Variants in CDKL1 observed in about 807,000 individuals in gnomAD.
CDKL1 encodes cyclin dependent kinase like 1, also known as cyclin-dependent kinase-like 1.
CDKL1 carries 41 observed loss-of-function variants against 42.0 expected under a neutral mutation model. That is an observed-to-expected ratio of 0.98 (90% CI 0.76 to 1.27). The LOEUF is 1.27. Among genes scored for constraint, CDKL1 ranks in the 50% most tolerant of loss-of-function variants. CDKL1 has a pLI of 0.00. For synonymous variants in CDKL1, 153 were observed against 158.6 expected (o/e 0.96, Z 0.26); for missense variants, 394 against 428.4 (o/e 0.92, Z 0.71).
At chr14:50,349,955 G>C (rs1247311377) in intron 3 of CDKL1, among the ~76,000 whole-genome samples, 1 of 152,224 alleles carries the variant, frequency 6.6e-6, no homozygotes, top group Non-Finnish European at 1.5e-5. Context: ...TTTTAGTAGA[G>C]ATGGGGTTTC....
At chr14:50,388,658 TG>T (rs1346906236) in intron 2 of CDKL1, among the ~76,000 whole-genome samples, 4 of 152,238 alleles carry the variant, frequency 2.6e-5, no homozygotes, top group Admixed American at 2.0e-4. Context: ...GTTAGATGTT[TG>T]GCCCAAGAGC....
intron 2 of CDKL1, among the ~76,000 whole-genome samples, chr14:50,364,142 C>T (rs879295992): frequency 6.6e-6 from 1 of 152,160 alleles, no homozygotes; most frequent in Non-Finnish European, 1.5e-5. Flanking sequence ...TTATATTGCA[C>T]CCACCTTGCT....
intron 7 of CDKL1, among the ~76,000 whole-genome samples, chr14:50,338,490 C>T (rs1249103110): frequency 6.6e-6 from 1 of 152,126 alleles, no homozygotes. Flanking sequence ...ATCTCGGCCT[C>T]CCCAAAGTAC....
At chr14:50,361,064 C>A (rs2034232702) in intron 2 of CDKL1, among the ~76,000 whole-genome samples, 1 of 152,080 alleles carries the variant, frequency 6.6e-6, no homozygotes, top group African/African-American at 2.4e-5. Context: ...TAGGAATGAG[C>A]CAGGCATATG....
intron 7 of CDKL1, 86 bp downstream of exon 7, chr14:50,338,861 G>C (rs2033404361): frequency 3.5e-6 from 3 of 861,210 alleles, no homozygotes; most frequent in Admixed American, 1.7e-5. Context: ...TCCAATGCAG[G>C]GTGAGCCATG....
In CDKL1 at chr14:50,329,082, T is replaced by C. The variant is rs956284476; in HGVS notation, c.*992A>G. 6 of 149,020 alleles carry C rather than the reference T, an allele frequency of 4.0e-5. No individual in the cohort carries two copies. Among genetic ancestry groups the C allele is most frequent in the African/African-American group, 1.5e-4 (6 of 40,526 alleles). 9.2% of individuals were successfully genotyped at this position (149,020 alleles called of 1,614,324 possible). ...ATATATACATACACATACATACACATACAAACATAGTGCAAAAAGATGTTT... is the reference window on the plus strand; with the variant it reads ...ATATATACATACACATACATACACACACAAACATAGTGCAAAAAGATGTTT... On this transcript the variant is annotated 3_prime_UTR_variant, in exon 10 of 10. Transcript: ENST00000395834.
chr14:50,363,098 G>A, intron 2 of CDKL1: 1 of 315,704 alleles, frequency 3.2e-6, no homozygotes, highest in South Asian at 2.6e-5. Context: ...CACTGCGAAG[G>A]TCTGCAGCTT....
chr14:50,392,876 A>G (rs1054941544), intron 2 of CDKL1, among the ~76,000 whole-genome samples: 19 of 152,080 alleles, frequency 1.2e-4, no homozygotes, highest in Non-Finnish European at 1.5e-5. Flanking sequence ...CTTCCAGTCA[A>G]TCAGTCAAAA....
intron 2 of CDKL1, among the ~76,000 whole-genome samples, chr14:50,382,207 C>T (rs1433007595): frequency 3.9e-5 from 6 of 152,198 alleles, no homozygotes; most frequent in Non-Finnish European, 8.8e-5. Flanking sequence ...AATCCCAGCA[C>T]TGTGGGAGGC....
chr14:50,395,173 GTTTAAAAATCAACAAT>G (rs2035363156), intron 2 of CDKL1, among the ~76,000 whole-genome samples: 2 of 152,162 alleles, frequency 1.3e-5, no homozygotes, highest in Non-Finnish European at 2.9e-5. Context: ...TACCTTAGAA[GTTTAAAAATCAACAAT>G]GCCAGCAAAA....
At chr14:50,332,715 TAG>T in intron 8 of CDKL1, 1 of 1,529,596 alleles carries the variant, frequency 6.5e-7, no homozygotes, top group South Asian at 1.2e-5. Context: ...GATATAATTT[TAG>T]AGTTTACCTC....
intron 2 of CDKL1, among the ~76,000 whole-genome samples, chr14:50,380,708 T>C (rs937883107): frequency 6.6e-6 from 1 of 152,130 alleles, no homozygotes; most frequent in Admixed American, 6.5e-5. Context: ...CCAGTTAAGA[T>C]ATGTGTGTAC....
At chr14:50,337,523 A>T (rs1004899289) in intron 7 of CDKL1, among the ~76,000 whole-genome samples, 14 of 150,148 alleles carry the variant, frequency 9.3e-5, no homozygotes, top group Middle Eastern at 3.8e-3. Flanking sequence ...AGTTAGTTTT[A>T]AAAATATTTT....
At chr14:50,378,051 T>G in intron 2 of CDKL1, 30 of 873,642 alleles carry the variant, frequency 3.4e-5, no homozygotes, top group Non-Finnish European at 4.4e-5. Context: ...AGAATCATCC[T>G]GAGATCTAGG....
At chr14:50,378,227 G>A (rs757139800) in intron 2 of CDKL1, 1 of 1,366,484 alleles carries the variant, frequency 7.3e-7, no homozygotes, top group East Asian at 4.5e-5. Context: ...CTTAGGAGGG[G>A]GATGCCTGTC....
At chr14:50,366,689 A>C (rs1235991076) in intron 2 of CDKL1, among the ~76,000 whole-genome samples, 2 of 152,230 alleles carry the variant, frequency 1.3e-5, no homozygotes, top group Admixed American at 6.5e-5. Flanking sequence ...GTCGGTGAGA[A>C]GCATTGTCTT....
At chr14:50,359,190 A>G in intron 2 of CDKL1, 41 bp from the exon 3 acceptor site, 1 of 1,583,742 alleles carries the variant, frequency 6.3e-7, no homozygotes, top group Non-Finnish European at 8.6e-7. Flanking sequence ...TTGACTTGTG[A>G]AAGACAGCTT....
At chr14:50,368,630 TA>T (rs2034497577) in intron 2 of CDKL1, among the ~76,000 whole-genome samples, 3 of 152,020 alleles carry the variant, frequency 2.0e-5, no homozygotes, top group Non-Finnish European at 4.4e-5. Flanking sequence ...TCTGTGACAT[TA>T]AAAAAAGGAC....
intron 2 of CDKL1, among the ~76,000 whole-genome samples, chr14:50,372,808 C>A (rs2034625760): frequency 6.6e-6 from 1 of 152,148 alleles, no homozygotes; most frequent in Admixed American, 6.5e-5. Context: ...ACTGTGTATT[C>A]TTGATGCTTC....
Sources: allele counts gnomAD v4.1 joint callset (sites outside exome capture counted in the v4.1 genomes callset), GRCh38; gene constraint gnomAD v4.1.1; transcripts MANE v1.5; gene names NCBI Gene and HGNC (gene_info 2026-07-23, HGNC 2026-07-21).